NHS: variants seen among roughly 807,000 people sequenced by gnomAD.
NHS encodes the protein actin remodeling regulator NHS.
Under a neutral mutation model 72.5 loss-of-function variants are expected in NHS, and 5 were observed. That is an observed-to-expected ratio of 0.07 (90% CI 0.04 to 0.14). The LOEUF is 0.14. NHS is among the 10% of genes least tolerant of loss of function. The pLI is 1.00. For synonymous variants in NHS, 464 were observed against 547.7 expected, an observed-to-expected ratio of 0.85 and a Z score of 2.13; for missense variants, 1,072 against 1,355.7, an observed-to-expected ratio of 0.79 and a Z score of 3.29.
At chrX:17,537,984 G>C (rs762488232) in intron 1 of NHS, among the ~76,000 whole-genome samples, 237 of 112,044 alleles carry the variant, frequency 2.1e-3, no homozygotes, top group Middle Eastern at 4.6e-3. Context: ...GCCAGCCACG[G>C]GCAGGAGGGC....
Position 17,589,068 on chromosome X carries a change from A to T in NHS, c.566-98674A>T, listed in dbSNP as rs767292878. 3.6e-5 allele frequency among the ~76,000 whole-genome samples: 4 copies of T among 112,590 alleles called. 1 individual carries two copies. In the South Asian group the frequency reaches 1.5e-3, roughly 42 times the overall value. On this transcript the variant is annotated intron_variant, in intron 1 of 8. Transcript: ENST00000676302. ...AAGATTTAGTGATAATTGTTTTTCAACACATAGCACAGTGTTAGATACTTA... is the reference window on the plus strand; with the variant it reads ...AAGATTTAGTGATAATTGTTTTTCATCACATAGCACAGTGTTAGATACTTA...
chrX:17,404,975 TAAAG>T (rs2064522318), intron 1 of NHS, among the ~76,000 whole-genome samples: 1 of 111,967 alleles, frequency 8.9e-6, no homozygotes, highest in East Asian at 2.8e-4. Context: ...ATTTCTGTAA[TAAAG>T]AACCCCAAAA....
At chrX:17,429,928 C>A (rs1056028203) in intron 1 of NHS, among the ~76,000 whole-genome samples, 13 of 111,769 alleles carry the variant, frequency 1.2e-4, no homozygotes, top group Admixed American at 1.9e-4. Context: ...CCATGCCTGA[C>A]ATTGCAGCTT....
intron 1 of NHS, among the ~76,000 whole-genome samples, chrX:17,622,487 C>T (rs1179234136): frequency 8.9e-6 from 1 of 112,123 alleles, no homozygotes; most frequent in Non-Finnish European, 1.9e-5. Context: ...CTCACTTCCT[C>T]CAACAAAAGC....
chrX:17,490,875 C>T (rs2064987966), intron 1 of NHS, among the ~76,000 whole-genome samples: 1 of 111,260 alleles, frequency 9.0e-6, no homozygotes, highest in Admixed American at 9.6e-5. Flanking sequence ...GTATTTTATT[C>T]TCTTTGTAGC....
intron 1 of NHS, among the ~76,000 whole-genome samples, chrX:17,484,862 G>A (rs981000588): frequency 6.3e-5 from 7 of 110,586 alleles, no homozygotes; most frequent in Non-Finnish European, 1.1e-4. Context: ...CCTGGGAGGT[G>A]CAGCTCCTCT....
rs1240571846 is a variant in NHS at position 17,561,557 on chromosome X, T to TGC, written c.566-126168_566-126167dup. On this transcript the variant is annotated intron_variant, in intron 1 of 8. Transcript: ENST00000676302. Reference sequence around the variant, plus strand: ...TGAGTTCTTCACACATGCAAGTGCATGCGCGCGCGCGCGCGCGCACACACA... The same window carrying TGC: ...TGAGTTCTTCACACATGCAAGTGCATGCGCGCGCGCGCGCGCGCGCACACACA... Among the ~76,000 whole-genome samples, 209 of 76,480 alleles carry TGC rather than the reference T, an allele frequency of 2.7e-3. 1 individual carries two copies. The highest frequency in any genetic ancestry group is 4.1e-3 in the Admixed American group (26 of 6,280). 66.4% of individuals were successfully genotyped at this position (76,480 alleles called of 115,157 possible).
At chrX:17,592,542 C>G (rs1309883239) in intron 1 of NHS, among the ~76,000 whole-genome samples, 13 of 112,108 alleles carry the variant, frequency 1.2e-4, no homozygotes, top group Admixed American at 9.5e-5. Flanking sequence ...AACATCGTCT[C>G]AACAATCACC....
intron 1 of NHS, among the ~76,000 whole-genome samples, chrX:17,457,933 C>T (rs544941410): frequency 1.8e-5 from 2 of 111,857 alleles, no homozygotes; most frequent in South Asian, 3.8e-4. Context: ...AGACATGAAA[C>T]TTTGGTACAT....
intron 1 of NHS, among the ~76,000 whole-genome samples, chrX:17,423,207 G>A (rs2064632843): frequency 8.9e-6 from 1 of 112,227 alleles, no homozygotes; most frequent in Non-Finnish European, 1.9e-5. Flanking sequence ...AATAATAAAA[G>A]CACTGTGCCA....
At chrX:17,589,690 C>T (rs1330567506) in intron 1 of NHS, among the ~76,000 whole-genome samples, 6 of 108,358 alleles carry the variant, frequency 5.5e-5, no homozygotes, top group Non-Finnish European at 3.8e-5. Flanking sequence ...CTTCTGGGTA[C>T]ATACCCAGTA....
At chrX:17,590,511 A>G (rs1197228177) in intron 1 of NHS, among the ~76,000 whole-genome samples, 1 of 112,015 alleles carries the variant, frequency 8.9e-6, no homozygotes, top group Non-Finnish European at 1.9e-5. Context: ...TTATTTAAAA[A>G]GGGCAGTCTA....
intron 1 of NHS, among the ~76,000 whole-genome samples, chrX:17,438,046 G>T (rs1415999888): frequency 8.9e-6 from 1 of 112,438 alleles, no homozygotes; most frequent in Non-Finnish European, 1.9e-5. Flanking sequence ...AAAAGATGTA[G>T]TGACACGTGG....
At chrX:17,572,388 T>G (rs1199059559) in intron 1 of NHS, among the ~76,000 whole-genome samples, 1 of 110,668 alleles carries the variant, frequency 9.0e-6, no homozygotes, top group African/African-American at 3.3e-5. Flanking sequence ...AGTTAGCTCT[T>G]CTTGTTGAAT....
intron 1 of NHS, among the ~76,000 whole-genome samples, chrX:17,671,128 T>C (rs898252359): frequency 4.5e-5 from 5 of 112,348 alleles, no homozygotes; most frequent in Non-Finnish European, 9.4e-5. Flanking sequence ...TGAAGAGAAA[T>C]CAAACTCACC....
chrX:17,635,294 T>C (rs1375980555), intron 1 of NHS: 12 of 1,057,652 alleles, frequency 1.1e-5, no homozygotes, highest in South Asian at 2.5e-5. Context: ...CCTGGAGTCC[T>C]GATTTGCCAT....
At chrX:17,678,369 T>C (rs770983072) in intron 1 of NHS, among the ~76,000 whole-genome samples, 1 of 109,933 alleles carries the variant, frequency 9.1e-6, no homozygotes, top group Non-Finnish European at 1.9e-5. Context: ...TGAGACTGGG[T>C]AATTTATAAA....
intron 1 of NHS, among the ~76,000 whole-genome samples, chrX:17,442,501 G>A (rs1411240125): frequency 8.9e-6 from 1 of 112,694 alleles, no homozygotes; most frequent in African/African-American, 3.2e-5. Flanking sequence ...TCTGGGAAAT[G>A]TGTCCCAGCC....
intron 1 of NHS, among the ~76,000 whole-genome samples, chrX:17,508,366 C>G (rs1156659210): frequency 8.9e-6 from 1 of 112,121 alleles, no homozygotes; most frequent in Non-Finnish European, 1.9e-5. Context: ...ATAATGTTTT[C>G]TAGGTTCATT....
Sources: allele counts gnomAD v4.1 joint callset (sites outside exome capture counted in the v4.1 genomes callset), GRCh38; gene constraint gnomAD v4.1.1; transcripts MANE v1.5; gene names NCBI Gene and HGNC (gene_info 2026-07-23, HGNC 2026-07-21).